The following DCAF8 variants were observed in gnomAD, a reference collection of about 807,000 sequenced individuals.
DCAF8 encodes DDB1- and CUL4-associated factor 8.
In DCAF8, 20 loss-of-function variants were observed where a neutral mutation model predicts 68.0. That is an observed-to-expected ratio of 0.29 (90% confidence interval 0.21 to 0.43). The LOEUF (loss-of-function observed/expected upper bound fraction) is 0.43, where lower values mean the gene tolerates loss of function less well. DCAF8 is among the 20% of genes least tolerant of loss of function. DCAF8 has a pLI of 1.00. For missense variants in DCAF8, 460 were observed against 771.0 expected (o/e 0.60, Z 4.78); for synonymous variants, 230 against 276.9 (o/e 0.83, Z 1.68).
Position 160,218,855 on chromosome 1 carries a change from T to C in DCAF8, c.1554A>G (p.Leu518=). 1 of 1,614,202 alleles carries C rather than the reference T, an allele frequency of 6.2e-7. No homozygotes were observed. Among genetic ancestry groups the C allele is most frequent in the Non-Finnish European group, 8.5e-7 (1 of 1,180,022 alleles). The stretch of plus-strand genomic sequence containing the variant: ...TCTGCAGTCAGCCACTTACATCTTT[T>C]AACCCTGTCAGCTCAGTGGAAGCTT... The part of the protein sequence containing the change: ...TAEASTELTG[L]KDVIKKNKRE... Residue 518 remains leucine (L), a synonymous_variant, in exon 12 of 14, where the codon TTA becomes TTG. Coordinates refer to ENST00000368074, the MANE Select transcript of DCAF8 (RefSeq NM_015726.4).
intron 2 of DCAF8, among the ~76,000 whole-genome samples, chr1:160,251,682 G>A (rs1323605827): frequency 6.6e-6 from 1 of 152,030 alleles, no homozygotes; most frequent in African/African-American, 2.4e-5. Flanking sequence ...TGCCCAGGCT[G>A]GTCTCGAACT....
chr1:160,221,665 A>G (rs961738993), intron 11 of DCAF8, among the ~76,000 whole-genome samples: 1 of 152,150 alleles, frequency 6.6e-6, no homozygotes, highest in African/African-American at 2.4e-5. Flanking sequence ...AGAGAGACTT[A>G]GCTGTCTCAG....
intron 2 of DCAF8, among the ~76,000 whole-genome samples, chr1:160,245,312 T>C (rs1430773020): frequency 6.6e-6 from 1 of 152,224 alleles, no homozygotes; most frequent in Non-Finnish European, 1.5e-5. Context: ...TTAAGCCCTT[T>C]CAGTGACTTG....
At chr1:160,226,995 T>C (rs1465044726) in intron 7 of DCAF8, among the ~76,000 whole-genome samples, 3 of 152,214 alleles carry the variant, frequency 2.0e-5, no homozygotes, top group Non-Finnish European at 2.9e-5. Flanking sequence ...AGAGAAGATT[T>C]TCCCTTCGCC....
chr1:160,258,741 C>A (rs1656941243), intron 2 of DCAF8, among the ~76,000 whole-genome samples: 1 of 132,994 alleles, frequency 7.5e-6, no homozygotes, highest in African/African-American at 2.9e-5. Flanking sequence ...CAAAGTGAGA[C>A]CCTATCTCTA....
intron 1 of DCAF8, chr1:160,262,023 G>A: frequency 4.1e-6 from 1 of 246,194 alleles, no homozygotes; most frequent in Non-Finnish European, 7.7e-6. Context: ...TCAATCTAAG[G>A]GGAGAAATAG....
intron 2 of DCAF8, among the ~76,000 whole-genome samples, chr1:160,246,452 C>G (rs1043482778): frequency 3.3e-5 from 5 of 152,168 alleles, no homozygotes; most frequent in African/African-American, 1.2e-4. Flanking sequence ...TACTCTAGAG[C>G]AGTGGTCTCC....
intron 2 of DCAF8, among the ~76,000 whole-genome samples, chr1:160,253,626 C>T (rs890021914): frequency 6.7e-5 from 8 of 119,822 alleles, no homozygotes; most frequent in African/African-American, 1.6e-4. Flanking sequence ...CCAGCCTGTG[C>T]GACAGGGTGA....
rs530138280 is a variant in DCAF8 at position 160,250,659 on chromosome 1, T to C, written c.-26-6625A>G. Among the ~76,000 whole-genome samples, 6 of 152,230 alleles carry C rather than the reference T, an allele frequency of 3.9e-5. No homozygotes were observed. The South Asian group carries it at 1.0e-3, about 26-fold the overall frequency. ...ACTTCTCACTTGAAAACGAAAGTGCTGAAAGGATTTTTGCTGCAACCAAGA... is the reference window on the plus strand; with the variant it reads ...ACTTCTCACTTGAAAACGAAAGTGCCGAAAGGATTTTTGCTGCAACCAAGA... On this transcript the variant is annotated intron_variant, in intron 2 of 13. Transcript: ENST00000368074.
intron 11 of DCAF8, among the ~76,000 whole-genome samples, chr1:160,221,950 C>A (rs761681556): frequency 6.6e-6 from 1 of 152,088 alleles, no homozygotes; most frequent in Non-Finnish European, 1.5e-5. Context: ...AACTCAAAGG[C>A]CAGGCAGACT....
chr1:160,239,843 T>C lies in DCAF8; in HGVS notation c.577A>G (p.Thr193Ala), dbSNP rs201559324. The change falls in exon 4 of 14, where the codon ACT (threonine) becomes GCT (alanine). Residue 193 changes from threonine to alanine, a missense_variant. Thr to Ala is a moderately conservative substitution (Grantham distance 58). Transcript: ENST00000368074. Reference sequence around the variant, plus strand: ...AAGTGCAGGGTATTGACACAACCAGTATGGCCCTCAAGCCCATGCTGCAGG... The same window carrying C: ...AAGTGCAGGGTATTGACACAACCAGCATGGCCCTCAAGCCCATGCTGCAGG... ...FRLQHGLEGH[T>A]GCVNTLHFNQ... 1.9e-6 allele frequency: 3 copies of C among 1,614,240 alleles called. No homozygotes were observed. Among genetic ancestry groups the C allele is most frequent in the East Asian group, 2.2e-5 (1 of 44,880 alleles).
At chr1:160,236,764 T>C (rs1655913123) in intron 6 of DCAF8, among the ~76,000 whole-genome samples, 2 of 152,234 alleles carry the variant, frequency 1.3e-5, no homozygotes, top group Admixed American at 1.3e-4. Flanking sequence ...TGTATGTTTC[T>C]ATAAATAACT....
intron 11 of DCAF8, chr1:160,221,291 T>C (rs896169186): frequency 6.6e-6 from 1 of 152,204 alleles, no homozygotes; most frequent in Non-Finnish European, 1.5e-5. Flanking sequence ...TAAATGCCTA[T>C]TGCATAATTC....
chr1:160,238,885 A>G, intron 4 of DCAF8, 138 bp from the exon 5 acceptor site: 2 of 1,032,594 alleles, frequency 1.9e-6, no homozygotes, highest in African/African-American at 1.7e-5. Flanking sequence ...CTACTCTTGT[A>G]CAGCTGGCTA....
At position 160,262,521 on chromosome 1, in the gene DCAF8, C is replaced by G; in HGVS notation, c.-173G>C. 2.5e-6 allele frequency: 1 copy of G among 399,368 alleles called. No homozygotes were observed. Among genetic ancestry groups the G allele is most frequent in the Non-Finnish European group, 4.4e-6 (1 of 226,170 alleles). The allele number at this position is 399,368 out of a possible 1,614,324, so 24.7% of individuals were successfully genotyped here. A position where few individuals can be genotyped will look rare whatever the true frequency, so the allele number is the denominator to read the frequency against. ...GCCTGCGCTGCCACGCTTTCCGGCC[C>G]CGTTTGCGACGATGTGCTCGAGAAG... On this transcript the variant is annotated 5_prime_UTR_variant, in exon 1 of 14. Coordinates refer to ENST00000368074, the MANE Select transcript of DCAF8 (RefSeq NM_015726.4).
At chr1:160,227,036 A>G (rs1655500709) in intron 7 of DCAF8, among the ~76,000 whole-genome samples, 2 of 152,214 alleles carry the variant, frequency 1.3e-5, no homozygotes, top group Non-Finnish European at 2.9e-5. Flanking sequence ...TTCAGAATAT[A>G]ATGAAAACTC....
intron 10 of DCAF8, among the ~76,000 whole-genome samples, chr1:160,223,894 C>G (rs1655380435): frequency 6.6e-6 from 1 of 152,158 alleles, no homozygotes; most frequent in African/African-American, 2.4e-5. Context: ...GCACTCCAGC[C>G]TGGACAACAG....
intron 2 of DCAF8, among the ~76,000 whole-genome samples, chr1:160,246,950 C>T (rs547130494): frequency 4.5e-4 from 69 of 152,276 alleles, no homozygotes; most frequent in African/African-American, 1.6e-3. Flanking sequence ...CAGAGCAAGA[C>T]ACAGTCTCCA....
Position 160,231,400 on chromosome 1 carries a change from C to A in DCAF8, c.967G>T (p.Val323Leu). The A allele has an allele frequency of 6.2e-7, 1 of 1,613,446 alleles. No homozygotes were observed. The highest frequency in any genetic ancestry group is 8.5e-7 in the Non-Finnish European group (1 of 1,179,398). Residue 323 changes from valine (V) to leucine (L), a missense_variant, in exon 7 of 14, where the codon GTG becomes TTG. By Grantham distance (32) the Val-to-Leu change is conservative (BLOSUM62 1). Coordinates refer to ENST00000368074, the MANE Select transcript of DCAF8 (RefSeq NM_015726.4). ...TTCTTCTCTTTCTCTTTTGTCACCA[C>A]CAGTTTCCTTTAAGAGTAGAAAAGC... Reference protein sequence around the residue: ...LRQDRPASKLVVTKEKEKKVG... With the variant: ...LRQDRPASKLLVTKEKEKKVG...
Sources: allele counts gnomAD v4.1 joint callset (sites outside exome capture counted in the v4.1 genomes callset), GRCh38; gene constraint gnomAD v4.1.1; transcripts MANE v1.5; gene names NCBI Gene and HGNC (gene_info 2026-07-23, HGNC 2026-07-21).